GP2: variants seen among roughly 807,000 people sequenced by gnomAD.
The protein encoded by GP2 is pancreatic secretory granule membrane major glycoprotein GP2.
Under a neutral mutation model 60.8 loss-of-function variants are expected in GP2, and 58 were observed. The observed-to-expected ratio is 0.95, with a 90% CI of 0.77 to 1.19. The LOEUF (loss-of-function observed/expected upper bound fraction) is 1.19. GP2 is among the 50% of genes most tolerant of loss of function. The pLI is 0.00. For missense variants in GP2, 647 were observed against 667.4 expected (o/e 0.97, Z 0.34); for synonymous variants, 280 against 253.4 (o/e 1.10, Z -1.00).
intron 8 of GP2, among the ~76,000 whole-genome samples, chr16:20,316,759 A>G (rs1964186300): frequency 6.6e-6 from 1 of 151,558 alleles, no homozygotes; most frequent in African/African-American, 2.4e-5. Flanking sequence ...CTATCTATTT[A>G]TTGTTCGTTT....
At position 20,323,963 on chromosome 16, in the gene GP2, C is replaced by G. The variant is rs867088142; in HGVS notation, c.388G>C (p.Asp130His). ...CAGGCAGTGTGGTTGGTGATGCCAT[C>G]CCCAAGGGCAGGGTGGGTCCCATTC... ...WLNGTHPALGDGITNHTACAH... is the reference protein window; with the variant it reads ...WLNGTHPALGHGITNHTACAH... The change falls in exon 3 of 11, where the codon GAT (aspartate) becomes CAT (histidine). Residue 130 changes from aspartate (D) to histidine (H), a missense_variant. Coordinates refer to ENST00000302555, the MANE Select transcript of GP2 (RefSeq NM_001502.4). The G allele has an allele frequency of 6.2e-7, 1 of 1,614,190 alleles. No individual in the cohort carries two copies. Among genetic ancestry groups the G allele is most frequent in the East Asian group, 2.2e-5 (1 of 44,882 alleles).
At chr16:20,312,614 T>G (rs1408620559) in intron 10 of GP2, among the ~76,000 whole-genome samples, 1 of 151,442 alleles carries the variant, frequency 6.6e-6, no homozygotes, top group Non-Finnish European at 1.5e-5. Context: ...CCAGAAGGAC[T>G]GGCAGAAAGG....
chr16:20,321,069 T>C (rs529682201), intron 4 of GP2, among the ~76,000 whole-genome samples: 32 of 147,998 alleles, frequency 2.2e-4, no homozygotes, highest in South Asian at 2.1e-3. Context: ...TTTTTTTTTT[T>C]AGACAGAGTT....
At chr16:20,314,867 G>A (rs370059014) in intron 9 of GP2, among the ~76,000 whole-genome samples, 166 bp from the exon 10 acceptor site, 51 of 152,292 alleles carry the variant, frequency 3.3e-4, no homozygotes, top group African/African-American at 1.2e-3. Context: ...CACCTTTCTA[G>A]ACACTTTGCG....
intron 8 of GP2, among the ~76,000 whole-genome samples, chr16:20,316,968 C>T (rs777556261): frequency 4.7e-5 from 7 of 147,852 alleles, no homozygotes; most frequent in Admixed American, 1.4e-4. Flanking sequence ...TCCTCGTCCC[C>T]TTCCCTAATC....
At chr16:20,314,560 T>G (rs1038741290) in intron 10 of GP2, 97 bp downstream of exon 10, 1 of 849,196 alleles carries the variant, frequency 1.2e-6, no homozygotes, top group South Asian at 1.3e-5. Context: ...TTAATGTCAG[T>G]GTCCCTAGCA....
In GP2 at chr16:20,324,168, G is replaced by T. The variant is rs1964461200; in HGVS notation, c.183C>A (p.Asp61Glu). Residue 61 changes from aspartate (D) to glutamate (E), a missense_variant, in exon 3 of 11, where the codon GAC becomes GAA. Asp to Glu is a conservative substitution (Grantham distance 45). Transcript: ENST00000302555. Reference sequence around the variant, plus strand: ...CCAGGAGGGTGTAATTCTGACAGGGGTCAAAACAGACATGAGCCTCTGGGG... The same window carrying T: ...CCAGGAGGGTGTAATTCTGACAGGGTTCAAAACAGACATGAGCCTCTGGGG... The part of the protein sequence containing the change: ...PGTPEAHVCF[D>E]PCQNYTLLDE... 2 of 1,613,916 alleles carry T rather than the reference G, an allele frequency of 1.2e-6. No homozygotes were observed. Among genetic ancestry groups the T allele is most frequent in the East Asian group, 4.5e-5 (2 of 44,886 alleles).
Position 20,316,034 on chromosome 16 carries a change from A to G in GP2, c.1423T>C (p.Ser475Pro), listed in dbSNP as rs369584507. Residue 475 changes from serine to proline, a missense_variant, in exon 9 of 11, where the codon TCA (serine) becomes CCA (proline). Physicochemically the swap from Ser to Pro is moderately conservative, Grantham distance 74. Transcript: ENST00000302555. ...ACTTCACTGCGGACTTGACTTCTTG[A>G]GCAAGACTGTAGGGATGATGAACTT... The part of the protein sequence containing the change: ...SLNEQCQPSC[S>P]RSQVRSEVPA... The G allele has an allele frequency of 2.5e-6, 4 of 1,606,436 alleles. No homozygotes were observed. Among genetic ancestry groups the G allele is most frequent in the Non-Finnish European group, 2.6e-6 (3 of 1,173,038 alleles).
chr16:20,322,256 G>T (rs1252486984), intron 4 of GP2, among the ~76,000 whole-genome samples: 1 of 152,202 alleles, frequency 6.6e-6, no homozygotes, highest in Non-Finnish European at 1.5e-5. Context: ...GTGATGGAGG[G>T]AAATAATCTC....
chr16:20,323,069 C>T (rs892521337), intron 3 of GP2, 90 bp from the exon 4 acceptor site: 4 of 709,366 alleles, frequency 5.6e-6, no homozygotes, highest in Non-Finnish European at 7.5e-6. Flanking sequence ...TTCACCGGGG[C>T]ACAAGAATCT....
chr16:20,318,129 A>G (rs553462548), intron 7 of GP2, 56 bp downstream of exon 7: 2 of 1,481,952 alleles, frequency 1.3e-6, no homozygotes, highest in Middle Eastern at 1.7e-4. Context: ...GATGAGATGA[A>G]CACTTTCCTG....
chr16:20,318,982 T>C (rs1362126860), intron 6 of GP2, among the ~76,000 whole-genome samples: 1 of 152,140 alleles, frequency 6.6e-6, no homozygotes. Context: ...GAAAGTCCCC[T>C]AGCAAGTCTA....
chr16:20,323,494 CCCT>C (rs1964434758), intron 3 of GP2: 219 of 615,936 alleles, frequency 3.6e-4, no homozygotes, highest in South Asian at 2.0e-3. Context: ...TACCCCCCCC[CCCT>C]TTTTTTCAGA....
chr16:20,320,198 AC>A, intron 5 of GP2, 63 bp downstream of exon 5: 1 of 1,187,514 alleles, frequency 8.4e-7, no homozygotes, highest in South Asian at 1.2e-5. Flanking sequence ...TCTCAGAGCT[AC>A]TATGATAGGT....
intron 10 of GP2, among the ~76,000 whole-genome samples, chr16:20,313,538 C>T (rs1964061776): frequency 6.6e-6 from 1 of 152,156 alleles, no homozygotes; most frequent in African/African-American, 2.4e-5. Flanking sequence ...ACATTTGCAC[C>T]TCCGACTCAT....
In GP2 at chr16:20,325,535, C is replaced by T. The variant is rs145917544; in HGVS notation, c.94+803G>A. Among the ~76,000 whole-genome samples, 196 of 152,184 alleles carry T rather than the reference C, an allele frequency of 1.3e-3. 1 individual carries two copies. Among genetic ancestry groups the T allele is most frequent in the Middle Eastern group, 6.8e-3 (2 of 294 alleles). ...TCATTTGGGGAAAGAAAGCCTTAAA[C>T]GATTGTTAGAGGATTAAATGTGATA... On this transcript the variant is annotated intron_variant, in intron 2 of 10. Transcript: ENST00000302555.
At chr16:20,317,006 A>C (rs1301660075) in intron 8 of GP2, among the ~76,000 whole-genome samples, 68 of 101,096 alleles carry the variant, frequency 6.7e-4, no homozygotes, top group Admixed American at 1.4e-3. Context: ...CTTCCCCTTC[A>C]CCTTCCCATT....
intron 4 of GP2, among the ~76,000 whole-genome samples, chr16:20,321,388 C>T (rs1485590313): frequency 6.6e-6 from 1 of 152,238 alleles, no homozygotes; most frequent in Non-Finnish European, 1.5e-5. Flanking sequence ...GTGCATTCAA[C>T]ATGAAGTAAA....
Position 20,323,941 on chromosome 16 carries a change from G to A in GP2, c.410C>T (p.Ala137Val), listed in dbSNP as rs1305413433. The change falls in exon 3 of 11, where the codon GCC becomes GTC. Residue 137 changes from alanine to valine, a missense_variant. Physicochemically the swap from Ala to Val is moderately conservative, Grantham distance 64. Transcript: ENST00000302555. ...GCAGTTGCCACTCCAATGGGCACAGGCAGTGTGGTTGGTGATGCCATCCCC... is the reference window on the plus strand; with the variant it reads ...GCAGTTGCCACTCCAATGGGCACAGACAGTGTGGTTGGTGATGCCATCCCC... ...ALGDGITNHT[A>V]CAHWSGNCCF... 2 of 1,613,976 alleles carry A rather than the reference G, an allele frequency of 1.2e-6. No individual in the cohort carries two copies. The highest frequency in any genetic ancestry group is 2.2e-5 in the South Asian group (2 of 91,078).
Sources: gnomAD v4.1 joint callset for allele counts (sites outside exome capture counted in the v4.1 genomes callset) on GRCh38, gnomAD v4.1.1 for gene constraint, MANE v1.5 for transcripts, NCBI Gene and HGNC (gene_info 2026-07-23, HGNC 2026-07-21) for gene names.